DGCR2: variants seen among roughly 807,000 people sequenced by gnomAD.
DGCR2 encodes integral membrane protein DGCR2/IDD.
In DGCR2, 24 loss-of-function variants were observed where a neutral mutation model predicts 51.6. That is an observed-to-expected ratio of 0.47 (90% confidence interval 0.34 to 0.65). The LOEUF (loss-of-function observed/expected upper bound fraction) is 0.65, where lower values mean the gene tolerates loss of function less well. Among genes scored for constraint, DGCR2 ranks in the 30% least tolerant of loss-of-function variants. The probability of loss-of-function intolerance (pLI) is 0.01; values close to 1 mark genes in which losing one functional copy is unlikely to be tolerated. For missense variants in DGCR2, 765 were observed against 772.1 expected (o/e 0.99, Z 0.11); for synonymous variants, 340 against 315.4 (o/e 1.08, Z -0.82).
intron 7 of DGCR2, among the ~76,000 whole-genome samples, chr22:19,043,453 A>G (rs1472661936): frequency 6.6e-6 from 1 of 152,224 alleles, no homozygotes; most frequent in Non-Finnish European, 1.5e-5. Flanking sequence ...CCACACATCT[A>G]TAACATGGCT....
chr22:19,088,390 G>T (rs1347684489), intron 2 of DGCR2, among the ~76,000 whole-genome samples: 1 of 152,224 alleles, frequency 6.6e-6, no homozygotes, highest in African/African-American at 2.4e-5. Flanking sequence ...CACCTTGAAG[G>T]ATGGTAAGGC....
chr22:19,041,715 C>T (rs2082433387), intron 8 of DGCR2, 92 bp downstream of exon 8: 1 of 1,436,968 alleles, frequency 7.0e-7, no homozygotes, highest in South Asian at 1.3e-5. Context: ...TGCCTCTGCC[C>T]CTCTCTGTCC....
intron 2 of DGCR2, among the ~76,000 whole-genome samples, chr22:19,077,908 A>T (rs1233833687): frequency 6.6e-6 from 1 of 151,292 alleles, no homozygotes; most frequent in Non-Finnish European, 1.5e-5. Context: ...AGCTTACTGC[A>T]ATCTTCACGT....
At chr22:19,072,138 TGGTGTCTG>T (rs1354568462) in intron 2 of DGCR2, among the ~76,000 whole-genome samples, 1 of 152,064 alleles carries the variant, frequency 6.6e-6, no homozygotes, top group Non-Finnish European at 1.5e-5. Context: ...ATAAAACAGG[TGGTGTCTG>T]GGTTAGGGGA....
At chr22:19,114,886 C>A (rs1374385783) in intron 1 of DGCR2, among the ~76,000 whole-genome samples, 3 of 152,170 alleles carry the variant, frequency 2.0e-5, no homozygotes, top group Non-Finnish European at 4.4e-5. Context: ...ACTGTCCTGT[C>A]CAACAGTAGC....
intron 1 of DGCR2, among the ~76,000 whole-genome samples, chr22:19,118,374 CAAAA>C (rs923572855): frequency 3.5e-5 from 2 of 56,766 alleles, no homozygotes; most frequent in African/African-American, 1.4e-4. Flanking sequence ...CCATCGCAAA[CAAAA>C]AAAAAAAAAA....
At chr22:19,045,726 T>C (rs1224178910) in intron 7 of DGCR2, among the ~76,000 whole-genome samples, 1 of 152,188 alleles carries the variant, frequency 6.6e-6, no homozygotes, top group African/African-American at 2.4e-5. Flanking sequence ...AACCCAGCCC[T>C]ATTTTATTTT....
chr22:19,089,826 C>G (rs768070311), intron 1 of DGCR2, among the ~76,000 whole-genome samples: 84 of 152,262 alleles, frequency 5.5e-4, no homozygotes, highest in Non-Finnish European at 1.0e-3. Flanking sequence ...AGTGATCTGC[C>G]TGCCTCGGCC....
chr22:19,100,659 C>G (rs1216000834), intron 1 of DGCR2, among the ~76,000 whole-genome samples: 1 of 94,170 alleles, frequency 1.1e-5, no homozygotes, highest in African/African-American at 3.6e-5. Flanking sequence ...GAGCGAGACT[C>G]CGTTTAAAAA....
At position 19,048,484 on chromosome 22, in the gene DGCR2, C is replaced by T. The variant is rs535152310; in HGVS notation, c.962G>A (p.Arg321His). The T allele has an allele frequency of 3.7e-6, 6 of 1,614,186 alleles. No homozygotes were observed. The highest frequency in any genetic ancestry group is 3.3e-5 in the Admixed American group (2 of 60,026). ...CERPQGCQQY[R>H]KDPKECCKFM... ...CTTGCAGCACTCTTTGGGGTCCTTG[C>T]GGTACTGTTGGCAGCCCTGGGGCCT... Residue 321 changes from arginine to histidine, a missense_variant, in exon 7 of 10, where the codon CGC becomes CAC. By Grantham distance (29) the Arg-to-His change is conservative. Around this residue, in one of 3 missense-constraint regions of DGCR2, gnomAD observed 190 missense variants for 265.2 expected, o/e 0.72. Transcript: ENST00000263196.
rs2082368858 is a variant in DGCR2 at position 19,036,390 on chromosome 22, CAT to C, written c.*2473_*2474del. 1 of 152,434 alleles carries C rather than the reference CAT, an allele frequency of 6.6e-6. No individual in the cohort carries two copies. The highest frequency in any genetic ancestry group is 1.5e-5 in the Non-Finnish European group (1 of 67,992). 9.4% of individuals were successfully genotyped at this position (152,434 alleles called of 1,614,324 possible). Reference sequence around the variant, plus strand: ...AAAAACTAAAAACCCTTAATGAAAACATAAAAAAACAGGCATCAAGACAATGT... The same window carrying C: ...AAAAACTAAAAACCCTTAATGAAAACAAAAAAACAGGCATCAAGACAATGT... On this transcript the variant is annotated 3_prime_UTR_variant, in exon 10 of 10. Coordinates refer to ENST00000263196, the MANE Select transcript of DGCR2 (RefSeq NM_005137.3).
At chr22:19,044,861 T>A (rs1009353805) in intron 7 of DGCR2, among the ~76,000 whole-genome samples, 4 of 152,260 alleles carry the variant, frequency 2.6e-5, no homozygotes, top group Non-Finnish European at 5.9e-5. Context: ...AGTTTTTATG[T>A]ATTCTGAATA....
At chr22:19,079,518 G>A (rs1043758783) in intron 2 of DGCR2, among the ~76,000 whole-genome samples, 11 of 152,132 alleles carry the variant, frequency 7.2e-5, no homozygotes, top group African/African-American at 2.2e-4. Context: ...GAGCTTCCTG[G>A]ACTGCCATTT....
At chr22:19,118,247 C>T (rs2083393350) in intron 1 of DGCR2, among the ~76,000 whole-genome samples, 1 of 151,826 alleles carries the variant, frequency 6.6e-6, no homozygotes, top group African/African-American at 2.4e-5. Flanking sequence ...TGGCGTGCGC[C>T]GTAATCAAAG....
At chr22:19,058,981 G>A (rs1030612998) in intron 5 of DGCR2, among the ~76,000 whole-genome samples, 7 of 152,222 alleles carry the variant, frequency 4.6e-5, no homozygotes, top group Non-Finnish European at 8.8e-5. Context: ...CTGGTCATGC[G>A]GGCACTGCAT....
chr22:19,044,375 C>A (rs536152296), intron 7 of DGCR2, among the ~76,000 whole-genome samples: 1 of 152,240 alleles, frequency 6.6e-6, no homozygotes. Context: ...GCAAGAAGAG[C>A]TCCAGTGACA....
chr22:19,068,653 G>T (rs1340243852), intron 2 of DGCR2, among the ~76,000 whole-genome samples: 1 of 152,138 alleles, frequency 6.6e-6, no homozygotes, highest in African/African-American at 2.4e-5. Flanking sequence ...GGAGACCCAC[G>T]TGTGCAACCT....
At chr22:19,073,722 T>C (rs2082841947) in intron 2 of DGCR2, among the ~76,000 whole-genome samples, 1 of 152,230 alleles carries the variant, frequency 6.6e-6, no homozygotes, top group Non-Finnish European at 1.5e-5. Context: ...GCCAAACTTA[T>C]GTGCAAAGGT....
chr22:19,100,488 AC>A (rs1287252274), intron 1 of DGCR2, among the ~76,000 whole-genome samples: 1 of 151,260 alleles, frequency 6.6e-6, no homozygotes, highest in Admixed American at 6.6e-5. Context: ...ACATGGTGAA[AC>A]CCCGTCTCTA....
Sources: gnomAD v4.1 joint callset for allele counts (sites outside exome capture counted in the v4.1 genomes callset) on GRCh38, gnomAD v4.1.1 for gene constraint, gnomAD v4.1.1 regional missense constraint, MANE v1.5 for transcripts, NCBI Gene and HGNC (gene_info 2026-07-23, HGNC 2026-07-21) for gene names.